The following CUBN variants were observed in gnomAD, a reference collection of about 807,000 sequenced individuals.
CUBN encodes the protein 460 kDa receptor.
In CUBN, 282 loss-of-function variants were observed where a neutral mutation model predicts 405.3. The ratio of observed to expected loss-of-function variants is 0.70; its 90% CI spans 0.63 to 0.77. The LOEUF (loss-of-function observed/expected upper bound fraction) is 0.77, where lower values mean the gene tolerates loss of function less well. CUBN is among the 30% of genes least tolerant of loss of function. The pLI is 0.00. For synonymous variants in CUBN, 1,684 were observed against 1,617.0 expected, an observed-to-expected ratio of 1.04 and a Z score of -0.99; for missense variants, 4,514 against 4,475.2, an observed-to-expected ratio of 1.01 and a Z score of -0.25.
At chr10:16,973,981 G>A (rs139033301) in intron 31 of CUBN, among the ~76,000 whole-genome samples, 5 of 152,240 alleles carry the variant, frequency 3.3e-5, no homozygotes, top group African/African-American at 1.2e-4. Context: ...TGACTTCTAA[G>A]TGCATTTCTG....
Position 16,835,064 on chromosome 10 carries a change from GA to G in CUBN, c.10311del (p.His3438IlefsTer18), listed in dbSNP as rs1200249069. On this transcript the variant is annotated frameshift_variant, in exon 64 of 67. Transcript: ENST00000377833. LOFTEE classifies it high-confidence loss of function. Reference protein sequence around the residue: ...APQNHTISLFFHSLGIENSVE... With the variant: ...APQNHTISLFXHSLGIENSVE... ...ACTGAGTTCTCGATGCCAAGTGAAT[GA>G]AAAAAGAGGGAAATGGTGTGGTTCT... The G allele has an allele frequency of 6.2e-7, 1 of 1,614,014 alleles. No individual in the cohort carries two copies. Among genetic ancestry groups the G allele is most frequent in the Non-Finnish European group, 8.5e-7 (1 of 1,180,022 alleles).
intron 64 of CUBN, among the ~76,000 whole-genome samples, chr10:16,834,095 C>A (rs1270579296): frequency 6.6e-6 from 1 of 152,136 alleles, no homozygotes; most frequent in Non-Finnish European, 1.5e-5. Flanking sequence ...AGGATGAATG[C>A]ATTTTCGACA....
At chr10:16,991,646 TA>T (rs68008381) in intron 28 of CUBN, among the ~76,000 whole-genome samples, 33,686 of 145,204 alleles carry the variant, frequency 0.23, 4,222 homozygotes, top group Middle Eastern at 0.26. Flanking sequence ...TTTTTTTTTT[TA>T]AATATTCTTT....
intron 25 of CUBN, 42 bp from the exon 26 acceptor site, chr10:17,044,025 A>C: frequency 6.5e-7 from 1 of 1,538,592 alleles, no homozygotes; most frequent in South Asian, 1.1e-5. Context: ...TGAGACTATA[A>C]ACATTATGTA....
intron 17 of CUBN, among the ~76,000 whole-genome samples, chr10:17,072,463 GT>G (rs1332619008): frequency 1.1e-4 from 16 of 152,180 alleles, no homozygotes; most frequent in Admixed American, 8.5e-4. Flanking sequence ...GCCAGGGACA[GT>G]GGCACACACC....
At chr10:17,016,555 A>G (rs981918105) in intron 28 of CUBN, among the ~76,000 whole-genome samples, 1 of 152,208 alleles carries the variant, frequency 6.6e-6, no homozygotes, top group Non-Finnish European at 1.5e-5. Context: ...CTATGTACCT[A>G]TCAGGATCAT....
intron 65 of CUBN, among the ~76,000 whole-genome samples, chr10:16,830,454 T>C (rs1838951720): frequency 2.6e-5 from 4 of 152,222 alleles, no homozygotes; most frequent in Admixed American, 2.6e-4. Context: ...TGTATTGACA[T>C]GACTTAAATT....
chr10:17,121,467 G>T (rs1837039833), intron 6 of CUBN, among the ~76,000 whole-genome samples: 1 of 145,236 alleles, frequency 6.9e-6, no homozygotes, highest in Admixed American at 7.1e-5. Flanking sequence ...AACACCGCAT[G>T]TTCTCACTCA....
At chr10:16,988,507 T>A (rs1009561087) in intron 29 of CUBN, among the ~76,000 whole-genome samples, 5 of 152,148 alleles carry the variant, frequency 3.3e-5, no homozygotes, top group African/African-American at 1.2e-4. Context: ...CTACAGTAAA[T>A]GAAATCAGAG....
chr10:17,105,374 C>T (rs1836601278), intron 11 of CUBN, 83 bp downstream of exon 11: 3 of 854,114 alleles, frequency 3.5e-6, no homozygotes, highest in Non-Finnish European at 6.2e-6. Flanking sequence ...TCTTGACATT[C>T]CTGAATCCTA....
intron 27 of CUBN, among the ~76,000 whole-genome samples, chr10:17,035,187 T>G (rs896277786): frequency 1.3e-5 from 2 of 151,894 alleles, no homozygotes; most frequent in Admixed American, 1.3e-4. Context: ...CAGGAATAAT[T>G]TTGGGGGGTG....
At chr10:16,895,776 C>A (rs78786782) in intron 54 of CUBN, among the ~76,000 whole-genome samples, 2 of 151,942 alleles carry the variant, frequency 1.3e-5, no homozygotes, top group African/African-American at 4.8e-5. Context: ...CATGTACCTA[C>A]GTGGTTGAAT....
chr10:16,928,553 GGA>G (rs1450568471), intron 40 of CUBN, among the ~76,000 whole-genome samples: 1 of 99,394 alleles, frequency 1.0e-5, no homozygotes, highest in African/African-American at 3.8e-5. Context: ...TTTTTGAGAT[GGA>G]GTCTTCCTCT....
In CUBN at chr10:16,916,021, C is replaced by G; in HGVS notation, c.7010G>C (p.Gly2337Ala). The change falls in exon 46 of 67, where the codon GGG becomes GCG. Residue 2337 changes from glycine to alanine, a missense_variant. Around this residue, in one of 5 missense-constraint regions of CUBN, gnomAD observed 1,613 missense variants for 1,542.8 expected, o/e 1.05. Coordinates refer to ENST00000377833, the MANE Select transcript of CUBN (RefSeq NM_001081.4). ...FKAKYSIAQC[G>A]GRVPGQSGVV... ...ACCACTTTGCCCTGGTACTCTTCCC[C>G]CACACTGAGCTGCAAAAAATAAAAA... 6.2e-7 allele frequency: 1 copy of G among 1,613,192 alleles called. No individual in the cohort carries two copies. The highest frequency in any genetic ancestry group is 1.7e-5 in the Admixed American group (1 of 59,990).
chr10:16,947,162 T>A (rs1485963965), intron 36 of CUBN, 73 bp downstream of exon 36: 16 of 1,501,366 alleles, frequency 1.1e-5, no homozygotes, highest in Non-Finnish European at 1.4e-5. Flanking sequence ...GAGTTGCCCA[T>A]CCTATTAGCA....
At chr10:17,112,809 A>G (rs1836801955) in intron 8 of CUBN, among the ~76,000 whole-genome samples, 1 of 152,130 alleles carries the variant, frequency 6.6e-6, no homozygotes, top group Non-Finnish European at 1.5e-5. Context: ...AATTCTGGCT[A>G]TCTGTAAAGC....
In CUBN at chr10:16,943,642, C is replaced by T. The variant is rs546342938; in HGVS notation, c.5343-3405G>A. 6.6e-5 allele frequency among the ~76,000 whole-genome samples: 10 copies of T among 152,266 alleles called. No homozygotes were observed. In the East Asian group the frequency reaches 1.9e-3, roughly 29 times the overall value. On this transcript the variant is annotated intron_variant, in intron 36 of 66. Coordinates refer to ENST00000377833, the MANE Select transcript of CUBN (RefSeq NM_001081.4). ...GAACGTAAATTACACGAAGTTGCCT[C>T]TAAAATCTTTCTATGCAAAGTGCAT...
chr10:16,965,816 G>A, intron 31 of CUBN: 2 of 330,654 alleles, frequency 6.0e-6, no homozygotes, highest in Non-Finnish European at 1.2e-5. Flanking sequence ...ACACTGATAG[G>A]TACTTAAATA....
At chr10:16,921,793 G>A (rs1408697081) in intron 43 of CUBN, among the ~76,000 whole-genome samples, 1 of 152,154 alleles carries the variant, frequency 6.6e-6, no homozygotes, top group Non-Finnish European at 1.5e-5. Context: ...TGACTTAAAT[G>A]ATAAGCAGTC....
Sources: allele counts gnomAD v4.1 joint callset (sites outside exome capture counted in the v4.1 genomes callset), GRCh38; gene constraint gnomAD v4.1.1; regional missense constraint gnomAD v4.1.1; transcripts MANE v1.5; gene names NCBI Gene and HGNC (gene_info 2026-07-23, HGNC 2026-07-21).